CNTNAP2: variants seen among roughly 807,000 people sequenced by gnomAD.
The protein encoded by CNTNAP2 is contactin-associated protein-like 2.
In CNTNAP2, 98 loss-of-function variants were observed where a neutral mutation model predicts 155.2. The ratio of observed to expected loss-of-function variants is 0.63; its 90% CI spans 0.54 to 0.75. CNTNAP2 has a LOEUF of 0.75. Among genes scored for constraint, CNTNAP2 ranks in the 30% least tolerant of loss-of-function variants. The pLI, the probability that CNTNAP2 is intolerant of heterozygous loss-of-function variation, is 0.00. For missense variants in CNTNAP2, 1,727 were observed against 1,688.1 expected, an observed-to-expected ratio of 1.02 and a Z score of -0.40; for synonymous variants, 651 against 631.2, an observed-to-expected ratio of 1.03 and a Z score of -0.47.
At chr7:146,616,588 TTA>T (rs1799228345) in intron 1 of CNTNAP2, among the ~76,000 whole-genome samples, 1 of 152,102 alleles carries the variant, frequency 6.6e-6, no homozygotes. Flanking sequence ...ACCTGTGAAT[TTA>T]TAGTCAAAAA....
In CNTNAP2 at chr7:148,042,979, G is replaced by A. The variant is rs116838623; in HGVS notation, c.2383+64990G>A. ...ATATGCCACACAAATGTTCTGTAAA[G>A]TCCCATTGAGAATTATGTGCAAATT... On this transcript the variant is annotated intron_variant, in intron 15 of 23. Coordinates refer to ENST00000361727, the MANE Select transcript of CNTNAP2 (RefSeq NM_014141.6). 3.1e-3 allele frequency among the ~76,000 whole-genome samples: 467 copies of A among 152,286 alleles called. 2 individuals carry two copies. Among genetic ancestry groups the A allele is most frequent in the African/African-American group, 0.011 (445 of 41,548 alleles).
chr7:147,364,797 C>T (rs1046381599), intron 9 of CNTNAP2, among the ~76,000 whole-genome samples: 1 of 151,058 alleles, frequency 6.6e-6, no homozygotes, highest in South Asian at 2.1e-4. Context: ...TGCGGTGAGC[C>T]GAGATCGCGC....
chr7:147,300,039 G>GA (rs1213927422), intron 8 of CNTNAP2, 102 bp from the exon 9 acceptor site: 27 of 1,313,300 alleles, frequency 2.1e-5, no homozygotes, highest in African/African-American at 3.0e-5. Context: ...TTTTCCAAGA[G>GA]AAAAATACTT....
chr7:146,818,389 GAAGGCCA>G, intron 2 of CNTNAP2, among the ~76,000 whole-genome samples: 1 of 152,250 alleles, frequency 6.6e-6, no homozygotes, highest in Admixed American at 6.5e-5. Context: ...GGTTTCCTAA[GAAGGCCA>G]AAGTATTTTG....
intron 21 of CNTNAP2, among the ~76,000 whole-genome samples, chr7:148,308,167 C>A (rs906609887): frequency 6.6e-6 from 1 of 151,950 alleles, no homozygotes; most frequent in Non-Finnish European, 1.5e-5. Context: ...TTTTTCCTCC[C>A]ACGCAGTGAA....
intron 8 of CNTNAP2, among the ~76,000 whole-genome samples, chr7:147,279,741 C>T (rs1304799231): frequency 6.6e-6 from 1 of 151,848 alleles, no homozygotes; most frequent in Admixed American, 6.6e-5. Context: ...TCCCTTTTGT[C>T]ACAAAGTCAA....
chr7:147,535,220 C>A (rs917500054), intron 11 of CNTNAP2, among the ~76,000 whole-genome samples: 1 of 152,064 alleles, frequency 6.6e-6, no homozygotes. Context: ...TGGTGAAACC[C>A]CGTCTCTACT....
At chr7:148,255,069 TAA>T (rs1278481823) in intron 20 of CNTNAP2, among the ~76,000 whole-genome samples, 2 of 152,214 alleles carry the variant, frequency 1.3e-5, no homozygotes, top group African/African-American at 4.8e-5. Context: ...TGATTGTTAC[TAA>T]AGTGATTCTA....
intron 12 of CNTNAP2, among the ~76,000 whole-genome samples, chr7:147,599,027 G>C (rs1489094284): frequency 6.6e-6 from 1 of 152,144 alleles, no homozygotes; most frequent in Non-Finnish European, 1.5e-5. Context: ...GTCTTCATTA[G>C]CAGCTCGAGA....
At chr7:147,485,449 C>A (rs973309368) in intron 10 of CNTNAP2, among the ~76,000 whole-genome samples, 2 of 152,120 alleles carry the variant, frequency 1.3e-5, no homozygotes, top group Admixed American at 6.5e-5. Context: ...GAAATCTTTT[C>A]TTTCTAAGTT....
intron 1 of CNTNAP2, among the ~76,000 whole-genome samples, chr7:146,491,082 G>A (rs1488004377): frequency 6.6e-6 from 1 of 151,714 alleles, no homozygotes. Flanking sequence ...AAAGATTTTT[G>A]CAAAGCCCCC....
rs532820418 is a variant in CNTNAP2, at chr7:146,760,409, C to CTTTTTTTTTTTTTTTTTTTTTTTT, written c.98-13852_98-13829dup. Among the ~76,000 whole-genome samples the CTTTTTTTTTTTTTTTTTTTTTTTT allele has an allele frequency of 5.5e-4, 31 of 56,298 alleles. 7 individuals carry two copies. The highest frequency in any genetic ancestry group is 0.013 in the Middle Eastern group (1 of 80). 36.9% of individuals were successfully genotyped at this position (56,298 alleles called of 152,430 possible). A position where few individuals can be genotyped will look rare whatever the true frequency, so the allele number is the denominator to read the frequency against. On this transcript the variant is annotated intron_variant, in intron 1 of 23. Transcript: ENST00000361727. ...CACCTCTGTATCATCTCCAATTTACCTTTTTTTTTTTTTTTTTTTTTTTTT... is the reference window on the plus strand; with the variant it reads ...CACCTCTGTATCATCTCCAATTTACCTTTTTTTTTTTTTTTTTTTTTTTTTTTTTTTTTTTTTTTTTTTTTTTTT...
intron 9 of CNTNAP2, among the ~76,000 whole-genome samples, chr7:147,356,467 C>G (rs1205560789): frequency 6.6e-6 from 1 of 152,038 alleles, no homozygotes; most frequent in African/African-American, 2.4e-5. Context: ...AGCAGGTGTT[C>G]CAGTAAGGGA....
chr7:147,679,330 C>T (rs1360409160), intron 13 of CNTNAP2, among the ~76,000 whole-genome samples: 1 of 151,872 alleles, frequency 6.6e-6, no homozygotes, highest in Non-Finnish European at 1.5e-5. Context: ...AGGAAATAGT[C>T]TGCCAATCAT....
At chr7:147,352,388 T>C (rs1795982472) in intron 9 of CNTNAP2, among the ~76,000 whole-genome samples, 1 of 151,998 alleles carries the variant, frequency 6.6e-6, no homozygotes, top group South Asian at 2.1e-4. Flanking sequence ...CAAATTTTAA[T>C]TAACAGTTCT....
chr7:147,636,977 C>G (rs1385638952), intron 12 of CNTNAP2, among the ~76,000 whole-genome samples: 1 of 152,006 alleles, frequency 6.6e-6, no homozygotes, highest in Non-Finnish European at 1.5e-5. Context: ...GGTGCAGAGG[C>G]ACTAAGGAGG....
At chr7:147,148,389 C>CA (rs5888239) in intron 8 of CNTNAP2, among the ~76,000 whole-genome samples, 33,584 of 81,374 alleles carry the variant, frequency 0.41, 5,535 homozygotes, top group Non-Finnish European at 0.45. Flanking sequence ...GACTCCGTCT[C>CA]AAAAAAAAAA....
intron 1 of CNTNAP2, among the ~76,000 whole-genome samples, chr7:146,298,024 A>G (rs1800544011): frequency 6.6e-6 from 1 of 152,148 alleles, no homozygotes; most frequent in African/African-American, 2.4e-5. Context: ...GTGAGCATGA[A>G]AGAAAGTGGT....
chr7:147,711,021 T>A, intron 13 of CNTNAP2, among the ~76,000 whole-genome samples: 1 of 152,184 alleles, frequency 6.6e-6, no homozygotes, highest in Non-Finnish European at 1.5e-5. Context: ...AGCAAGACAT[T>A]TGACATTCTC....
Sources: gnomAD v4.1 joint callset for allele counts (sites outside exome capture counted in the v4.1 genomes callset) on GRCh38, gnomAD v4.1.1 for gene constraint, MANE v1.5 for transcripts, NCBI Gene and HGNC (gene_info 2026-07-23, HGNC 2026-07-21) for gene names.